PLEKHA2: variants seen among roughly 807,000 people sequenced by gnomAD.
PLEKHA2 encodes pleckstrin homology domain containing A2, also known as pleckstrin homology domain-containing family A member 2.
Under a neutral mutation model 53.2 loss-of-function variants are expected in PLEKHA2, and 28 were observed. The ratio of observed to expected loss-of-function variants is 0.53; its 90% CI spans 0.39 to 0.72. The LOEUF is 0.72. Ranked by LOEUF, PLEKHA2 falls within the 30% of genes least tolerant of loss-of-function variation. The pLI, the probability that PLEKHA2 is intolerant of heterozygous loss-of-function variation, is 0.00. For missense variants in PLEKHA2, 426 were observed against 537.9 expected (o/e 0.79, Z 2.06); for synonymous variants, 193 against 196.4 (o/e 0.98, Z 0.14).
chr8:38,951,301 A>G (rs1834833957), intron 6 of PLEKHA2, among the ~76,000 whole-genome samples: 1 of 152,150 alleles, frequency 6.6e-6, no homozygotes, highest in African/African-American at 2.4e-5. Flanking sequence ...ATGGCAAACA[A>G]GGCTGGAAAC....
Position 38,967,794 on chromosome 8 carries a change from T to C in PLEKHA2, c.838-798T>C, listed in dbSNP as rs537964923. ...CTCCTGCCTCAGCCTCCCAAATAGC[T>C]GGGACTACGGGCGCACGCCACCACT... On this transcript the variant is annotated intron_variant, in intron 10 of 11. Transcript: ENST00000617275. Among the ~76,000 whole-genome samples the C allele has an allele frequency of 2.0e-5, 3 of 152,022 alleles. No homozygotes were observed. In the South Asian group the frequency reaches 6.2e-4, roughly 32 times the overall value.
intron 5 of PLEKHA2, among the ~76,000 whole-genome samples, chr8:38,949,889 C>T (rs376993271): frequency 3.3e-5 from 5 of 152,156 alleles, no homozygotes; most frequent in East Asian, 3.9e-4. Context: ...TCAGGTGGTT[C>T]GTGAGAGGTG....
At chr8:38,905,226 G>A (rs1342580074) in intron 1 of PLEKHA2, among the ~76,000 whole-genome samples, 1 of 152,144 alleles carries the variant, frequency 6.6e-6, no homozygotes, top group Non-Finnish European at 1.5e-5. Flanking sequence ...GGAGGCTGAG[G>A]TGGGGGGGAT....
intron 2 of PLEKHA2, among the ~76,000 whole-genome samples, chr8:38,935,446 T>A (rs954023363): frequency 6.6e-6 from 1 of 151,588 alleles, no homozygotes; most frequent in African/African-American, 2.4e-5. Context: ...TTTTTTTTTT[T>A]AAGAGATAGG....
intron 5 of PLEKHA2, among the ~76,000 whole-genome samples, chr8:38,949,336 A>G (rs1834780716): frequency 6.6e-6 from 1 of 152,160 alleles, no homozygotes; most frequent in Admixed American, 6.5e-5. Context: ...AGGAATGAGG[A>G]TAAGTGACAT....
At chr8:38,911,443 G>T (rs1011897991) in intron 1 of PLEKHA2, among the ~76,000 whole-genome samples, 1 of 152,082 alleles carries the variant, frequency 6.6e-6, no homozygotes, top group Admixed American at 6.6e-5. Flanking sequence ...CACCATGTTG[G>T]CCATGCTGGT....
At chr8:38,949,076 G>C (rs1418128915) in intron 5 of PLEKHA2, among the ~76,000 whole-genome samples, 1 of 152,072 alleles carries the variant, frequency 6.6e-6, no homozygotes, top group Non-Finnish European at 1.5e-5. Context: ...TCACTATATT[G>C]GTCAGGCTAG....
intron 3 of PLEKHA2, among the ~76,000 whole-genome samples, chr8:38,938,422 G>A (rs1834536615): frequency 1.3e-5 from 2 of 152,218 alleles, no homozygotes; most frequent in South Asian, 4.1e-4. Context: ...CCAGGGCAGA[G>A]GCCGCAGCAG....
intron 2 of PLEKHA2, among the ~76,000 whole-genome samples, chr8:38,934,212 G>T (rs1458550094): frequency 6.6e-6 from 1 of 151,968 alleles, no homozygotes; most frequent in Non-Finnish European, 1.5e-5. Flanking sequence ...GTTGGCCAGG[G>T]TGGTCCCAGA....
chr8:38,952,312 GGTGA>G lies in PLEKHA2; in HGVS notation c.633+4_633+7del. The G allele has an allele frequency of 6.2e-7, 1 of 1,612,300 alleles. No individual in the cohort carries two copies. Among genetic ancestry groups the G allele is most frequent in the Non-Finnish European group, 8.5e-7 (1 of 1,179,302 alleles). On this transcript the variant is annotated splice_donor_variant and splice_donor_region_variant and intron_variant, in intron 7 of 11. Coordinates refer to ENST00000617275, the MANE Select transcript of PLEKHA2 (RefSeq NM_021623.2). LOFTEE classifies it high-confidence loss of function. Reference sequence around the variant, plus strand: ...GTTACTGCGTGAAGCAAGGGAATGTGGTGAGTGTCAGCACAGGGGCTGAATTGGG... The same window carrying G: ...GTTACTGCGTGAAGCAAGGGAATGTGGTGTCAGCACAGGGGCTGAATTGGG...
Position 38,918,075 on chromosome 8 carries a change from G to A in PLEKHA2, c.141+5G>A. ...TGGTATATGGACAACCCCCAGGTGA[G>A]AGGGTCAGTGGGAAGGGGTGGGGCG... On this transcript the variant is annotated splice_donor_5th_base_variant and intron_variant, in intron 2 of 11. Transcript: ENST00000617275. The A allele has an allele frequency of 6.2e-7, 1 of 1,611,844 alleles. No homozygotes were observed. The highest frequency in any genetic ancestry group is 1.1e-5 in the South Asian group (1 of 90,736).
chr8:38,920,396 T>C (rs1288665202), intron 2 of PLEKHA2, among the ~76,000 whole-genome samples: 2 of 152,082 alleles, frequency 1.3e-5, no homozygotes, highest in South Asian at 2.1e-4. Context: ...CCTCCTTATC[T>C]GCCCACCTTG....
intron 9 of PLEKHA2, among the ~76,000 whole-genome samples, chr8:38,954,575 G>A (rs1254535751): frequency 1.3e-5 from 2 of 152,072 alleles, no homozygotes; most frequent in East Asian, 3.8e-4. Flanking sequence ...AGGAAGTCAG[G>A]GACTAGCAGG....
chr8:38,933,332 T>C (rs993261807), intron 2 of PLEKHA2, among the ~76,000 whole-genome samples: 3 of 152,154 alleles, frequency 2.0e-5, no homozygotes, highest in African/African-American at 7.2e-5. Flanking sequence ...GTTTAGCATC[T>C]CTGTTTTATA....
chr8:38,905,562 G>A (rs1833858585), intron 1 of PLEKHA2, among the ~76,000 whole-genome samples: 1 of 151,756 alleles, frequency 6.6e-6, no homozygotes, highest in African/African-American at 2.4e-5. Context: ...AGAGACAGAA[G>A]CACATGTCTT....
intron 1 of PLEKHA2, among the ~76,000 whole-genome samples, chr8:38,904,537 C>T (rs889805917): frequency 6.6e-6 from 1 of 152,250 alleles, no homozygotes; most frequent in Non-Finnish European, 1.5e-5. Context: ...GATCAAGAGG[C>T]AGCTTGCCTT....
At chr8:38,956,180 C>T (rs574760035) in intron 9 of PLEKHA2, among the ~76,000 whole-genome samples, 1 of 152,296 alleles carries the variant, frequency 6.6e-6, no homozygotes, top group Non-Finnish European at 1.5e-5. Flanking sequence ...GGGATATACG[C>T]GGCAGGCATT....
intron 2 of PLEKHA2, among the ~76,000 whole-genome samples, chr8:38,928,236 C>CTTTTTTTTTTTTTTTTTTTTTTTTT (rs11414317): frequency 9.1e-6 from 1 of 110,128 alleles, no homozygotes; most frequent in African/African-American, 3.6e-5. Context: ...CTGACCTGGT[C>CTTTTTTTTTTTTTTTTTTTTTTTTT]TTTTTTTTTT....
chr8:38,973,865 A>C lies in PLEKHA2; in HGVS notation c.*4082A>C. 1 of 243,296 alleles carries C rather than the reference A, an allele frequency of 4.1e-6. No individual in the cohort carries two copies. Among genetic ancestry groups the C allele is most frequent in the South Asian group, 5.3e-5 (1 of 18,704 alleles). 15.1% of individuals were successfully genotyped at this position (243,296 alleles called of 1,614,324 possible). On this transcript the variant is annotated 3_prime_UTR_variant, in exon 12 of 12. Coordinates refer to ENST00000617275, the MANE Select transcript of PLEKHA2 (RefSeq NM_021623.2). ...TTGGTATGTAGCAAAAATTTTCTAA[A>C]ACTGTTTTGTGGCTTGTTTTGTAAT...
Sources: gnomAD v4.1 joint callset for allele counts (sites outside exome capture counted in the v4.1 genomes callset) on GRCh38, gnomAD v4.1.1 for gene constraint, MANE v1.5 for transcripts, NCBI Gene and HGNC (gene_info 2026-07-23, HGNC 2026-07-21) for gene names.